SGMS1: variants seen among roughly 807,000 people sequenced by gnomAD.
SGMS1 encodes the protein phosphatidylcholine:ceramide cholinephosphotransferase 1.
SGMS1 carries 13 observed loss-of-function variants against 46.2 expected under a neutral mutation model. The ratio of observed to expected loss-of-function variants is 0.28; its 90% confidence interval spans 0.18 to 0.45. SGMS1 has a LOEUF of 0.45. Ranked by LOEUF, SGMS1 falls within the 20% of genes least tolerant of loss-of-function variation. SGMS1 has a pLI of 1.00. For synonymous variants in SGMS1, 203 were observed against 187.8 expected, an observed-to-expected ratio of 1.08 and a Z score of -0.66; for missense variants, 324 against 519.9, an observed-to-expected ratio of 0.62 and a Z score of 3.66.
At chr10:50,609,569 A>C (rs1238063192) in intron 1 of SGMS1, among the ~76,000 whole-genome samples, 1 of 130,396 alleles carries the variant, frequency 7.7e-6, no homozygotes, top group Admixed American at 8.7e-5. Flanking sequence ...ACCTTTTTGC[A>C]CATAACAATG....
chr10:50,402,384 T>C lies in SGMS1; in HGVS notation c.-232+31092A>G, dbSNP rs575295544. On this transcript the variant is annotated intron_variant, in intron 6 of 10. Transcript: ENST00000361781. ...ATGGAGTCAATTGCCTCCATAAAAC[T>C]ATGAAGAATAAACAAAACCATTAGA... Among the ~76,000 whole-genome samples, 3 of 152,260 alleles carry C rather than the reference T, an allele frequency of 2.0e-5. No individual in the cohort carries two copies. In the South Asian group the frequency reaches 6.2e-4, roughly 32 times the overall value.
At chr10:50,358,250 T>G (rs976134493) in intron 6 of SGMS1, among the ~76,000 whole-genome samples, 3 of 152,248 alleles carry the variant, frequency 2.0e-5, no homozygotes, top group Non-Finnish European at 4.4e-5. Flanking sequence ...TGCGGACATG[T>G]AGCATTTAGC....
At chr10:50,535,965 T>C (rs1356651616) in intron 2 of SGMS1, among the ~76,000 whole-genome samples, 3 of 152,196 alleles carry the variant, frequency 2.0e-5, no homozygotes, top group Non-Finnish European at 4.4e-5. Context: ...ATTCTTCTTC[T>C]TTACTATATT....
chr10:50,624,075 G>T, upstream of SGMS1: 1 of 985,254 alleles, frequency 1.0e-6, no homozygotes. Flanking sequence ...TCCGCGGGGG[G>T]CTCCTCCCGG....
chr10:50,385,780 A>AT, intron 6 of SGMS1, among the ~76,000 whole-genome samples: 1 of 152,170 alleles, frequency 6.6e-6, no homozygotes, highest in South Asian at 2.1e-4. Context: ...GTTTCATTTT[A>AT]TTTTTTCCTT....
chr10:50,624,471 ACT>A (rs1838895329), upstream of SGMS1: 1 of 523,384 alleles, frequency 1.9e-6, no homozygotes, highest in Non-Finnish European at 2.4e-6. Flanking sequence ...CTAACCATAG[ACT>A]CTCATCTTTC....
At chr10:50,342,086 G>C (rs144599949) in intron 7 of SGMS1, 1 of 152,314 alleles carries the variant, frequency 6.6e-6, no homozygotes, top group African/African-American at 2.4e-5. Flanking sequence ...GGAAAACTCA[G>C]GAAGCATAAT....
chr10:50,575,331 A>C (rs1024125597), intron 2 of SGMS1, among the ~76,000 whole-genome samples: 2 of 152,114 alleles, frequency 1.3e-5, no homozygotes, highest in Non-Finnish European at 2.9e-5. Flanking sequence ...TGGTGGGTGG[A>C]TCACATGAGG....
intron 6 of SGMS1, chr10:50,417,917 T>C (rs1445480051): frequency 6.6e-6 from 1 of 152,256 alleles, no homozygotes; most frequent in Admixed American, 6.5e-5. Flanking sequence ...TAGTGCCTAT[T>C]TGATCATTAA....
At chr10:50,355,674 C>T (rs956985232) in intron 6 of SGMS1, among the ~76,000 whole-genome samples, 2 of 152,244 alleles carry the variant, frequency 1.3e-5, no homozygotes, top group Non-Finnish European at 1.5e-5. Flanking sequence ...GCAGAGATTG[C>T]AGCCTCTGCA....
intron 6 of SGMS1, among the ~76,000 whole-genome samples, chr10:50,359,387 T>C (rs888857599): frequency 2.0e-5 from 3 of 152,096 alleles, no homozygotes; most frequent in African/African-American, 7.2e-5. Context: ...AAATGACCCA[T>C]TCCATCGTAG....
chr10:50,376,634 C>CA (rs1404591168), intron 6 of SGMS1, among the ~76,000 whole-genome samples: 1 of 152,132 alleles, frequency 6.6e-6, no homozygotes, highest in East Asian at 1.9e-4. Flanking sequence ...TTCCTGTGTT[C>CA]AAGTGTTCTC....
intron 3 of SGMS1, among the ~76,000 whole-genome samples, chr10:50,471,463 C>T (rs1241052739): frequency 2.6e-5 from 4 of 152,132 alleles, no homozygotes; most frequent in Non-Finnish European, 5.9e-5. Flanking sequence ...ATGGTAGGGG[C>T]CAGACACAAT....
chr10:50,541,996 G>T (rs1333469724), intron 2 of SGMS1, among the ~76,000 whole-genome samples: 1 of 152,116 alleles, frequency 6.6e-6, no homozygotes, highest in African/African-American at 2.4e-5. Context: ...AGGGGAAGAG[G>T]CTGCATGTCC....
At chr10:50,366,359 T>C (rs1364220975) in intron 6 of SGMS1, among the ~76,000 whole-genome samples, 6 of 152,240 alleles carry the variant, frequency 3.9e-5, no homozygotes, top group Non-Finnish European at 8.8e-5. Context: ...GGTGGAAGTG[T>C]AAATTAGTTC....
At chr10:50,523,186 G>T (rs1837871310) in intron 2 of SGMS1, among the ~76,000 whole-genome samples, 1 of 152,100 alleles carries the variant, frequency 6.6e-6, no homozygotes, top group South Asian at 2.1e-4. Context: ...GTTTACCTTA[G>T]GAGGCAAGAC....
chr10:50,366,109 C>T (rs1848338651), intron 6 of SGMS1, among the ~76,000 whole-genome samples: 1 of 152,144 alleles, frequency 6.6e-6, no homozygotes, highest in South Asian at 2.1e-4. Flanking sequence ...AGTTTCTCCA[C>T]AGCAAAAGAA....
At chr10:50,606,816 A>G (rs1025328831) in intron 1 of SGMS1, among the ~76,000 whole-genome samples, 2 of 152,322 alleles carry the variant, frequency 1.3e-5, no homozygotes, top group East Asian at 1.9e-4. Flanking sequence ...TAGTATCCAA[A>G]GACTCATTTT....
intron 5 of SGMS1, among the ~76,000 whole-genome samples, chr10:50,439,919 G>A (rs1284686037): frequency 8.5e-5 from 13 of 152,170 alleles, no homozygotes; most frequent in Non-Finnish European, 2.9e-5. Context: ...AGGTATTTTG[G>A]GGGCATCTAC....
Sources: allele counts gnomAD v4.1 joint callset (sites outside exome capture counted in the v4.1 genomes callset), GRCh38; gene constraint gnomAD v4.1.1; transcripts MANE v1.5; gene names NCBI Gene and HGNC (gene_info 2026-07-23, HGNC 2026-07-21).